ZNF536: variants seen among roughly 807,000 people sequenced by gnomAD.
ZNF536 encodes the protein zinc finger protein 536.
Under a neutral mutation model 84.5 loss-of-function variants are expected in ZNF536, and 13 were observed. The ratio of observed to expected loss-of-function variants is 0.15; its 90% CI spans 0.10 to 0.24. ZNF536 has a LOEUF of 0.24. Ranked by LOEUF, ZNF536 falls within the 10% of genes least tolerant of loss-of-function variation. The pLI, the probability that ZNF536 is intolerant of heterozygous loss-of-function variation, is 1.00. For missense variants in ZNF536, 1,536 were observed against 1,747.5 expected, an observed-to-expected ratio of 0.88 and a Z score of 2.16; for synonymous variants, 811 against 742.5, an observed-to-expected ratio of 1.09 and a Z score of -1.50.
At chr19:30,419,583 C>T (rs958186306) in intron 1 of ZNF536, among the ~76,000 whole-genome samples, 1 of 152,090 alleles carries the variant, frequency 6.6e-6, no homozygotes, top group African/African-American at 2.4e-5. Context: ...ATTTTACAAA[C>T]GATAAATGTT....
At chr19:30,614,684 C>T (rs982800854) in intron 1 of ZNF536, among the ~76,000 whole-genome samples, 1 of 151,454 alleles carries the variant, frequency 6.6e-6, no homozygotes, top group Non-Finnish European at 1.5e-5. Context: ...CATTTTTTTC[C>T]TATTGAATGA....
At chr19:30,689,404 G>A (rs2051321154) in intron 1 of ZNF536, among the ~76,000 whole-genome samples, 1 of 152,240 alleles carries the variant, frequency 6.6e-6, no homozygotes, top group East Asian at 1.9e-4. Flanking sequence ...TGTATAGGCA[G>A]CATACCCTGT....
At chr19:30,679,135 T>G (rs1744436935) in intron 1 of ZNF536, among the ~76,000 whole-genome samples, 1 of 152,138 alleles carries the variant, frequency 6.6e-6, no homozygotes, top group African/African-American at 2.4e-5. Context: ...CCTTAAATTC[T>G]GAGGCCACAC....
At chr19:30,596,362 T>C (rs896744472) in intron 1 of ZNF536, among the ~76,000 whole-genome samples, 1 of 152,216 alleles carries the variant, frequency 6.6e-6, no homozygotes. Flanking sequence ...AAAAGATGTA[T>C]GTATCGTGGC....
intron 1 of ZNF536, among the ~76,000 whole-genome samples, chr19:30,240,047 C>T (rs2023824949): frequency 6.6e-6 from 1 of 152,106 alleles, no homozygotes; most frequent in South Asian, 2.1e-4. Flanking sequence ...AAACCAGATG[C>T]AAAGGTGTCG....
intron 2 of ZNF536, among the ~76,000 whole-genome samples, chr19:30,514,735 T>A (rs547408333): frequency 6.1e-4 from 93 of 151,984 alleles, no homozygotes; most frequent in Non-Finnish European, 1.1e-3. Flanking sequence ...TGTCTTGGCC[T>A]CCACATCCAG....
intron 1 of ZNF536, among the ~76,000 whole-genome samples, chr19:30,261,193 G>A (rs1314845991): frequency 2.7e-5 from 4 of 148,270 alleles, no homozygotes; most frequent in Non-Finnish European, 6.0e-5. Flanking sequence ...AGCTACTTGG[G>A]AGGCTGAGGC....
At chr19:30,603,554 T>C (rs1349417862) in intron 1 of ZNF536, among the ~76,000 whole-genome samples, 5 of 152,342 alleles carry the variant, frequency 3.3e-5, no homozygotes, top group African/African-American at 9.6e-5. Flanking sequence ...TATTATCTTA[T>C]TGAACACTAT....
chr19:30,408,661 T>C (rs1409296498), intron 1 of ZNF536, among the ~76,000 whole-genome samples: 1 of 152,212 alleles, frequency 6.6e-6, no homozygotes, highest in East Asian at 1.9e-4. Flanking sequence ...CTGCTTTTGT[T>C]TTATTCCTTT....
At chr19:30,345,019 C>T (rs540721683) in intron 2 of ZNF536, among the ~76,000 whole-genome samples, 1 of 152,238 alleles carries the variant, frequency 6.6e-6, no homozygotes, top group Non-Finnish European at 1.5e-5. Flanking sequence ...ACAACAGCAA[C>T]AGCAACACAA....
chr19:30,449,697 G>A (rs1204657542), intron 2 of ZNF536, among the ~76,000 whole-genome samples: 1 of 152,146 alleles, frequency 6.6e-6, no homozygotes, highest in Non-Finnish European at 1.5e-5. Flanking sequence ...GGAGAGATGC[G>A]AAGATGAAAA....
At chr19:30,635,067 G>GGGGTGT (rs1555821106) in intron 1 of ZNF536, among the ~76,000 whole-genome samples, 2,500 of 150,272 alleles carry the variant, frequency 0.017, 39 homozygotes, top group Middle Eastern at 0.066. Flanking sequence ...AAGAAAGCTG[G>GGGGTGT]GTGTGTGTGT....
intron 2 of ZNF536, among the ~76,000 whole-genome samples, chr19:30,347,028 A>G (rs1320075304): frequency 6.6e-6 from 1 of 151,804 alleles, no homozygotes; most frequent in Non-Finnish European, 1.5e-5. Context: ...ACGTTTTAAT[A>G]GCCATTCTGA....
At chr19:30,500,995 A>G (rs1410865508) in intron 2 of ZNF536, among the ~76,000 whole-genome samples, 2 of 152,062 alleles carry the variant, frequency 1.3e-5, no homozygotes, top group Non-Finnish European at 2.9e-5. Flanking sequence ...ATTGTTCAGG[A>G]TTGGAGCGAG....
chr19:30,699,221 C>CT (rs34598865), intron 1 of ZNF536, among the ~76,000 whole-genome samples: 1 of 152,084 alleles, frequency 6.6e-6, no homozygotes, highest in Admixed American at 6.5e-5. Flanking sequence ...CCCTGGTTCC[C>CT]TTTTTTTGGG....
At chr19:30,689,254 T>C (rs2051314134) in intron 1 of ZNF536, among the ~76,000 whole-genome samples, 1 of 152,268 alleles carries the variant, frequency 6.6e-6, no homozygotes, top group Non-Finnish European at 1.5e-5. Context: ...TCTGGAATTA[T>C]TTGGAGCTTT....
intron 2 of ZNF536, among the ~76,000 whole-genome samples, chr19:30,467,777 G>T (rs144487542): frequency 6.6e-6 from 1 of 152,330 alleles, no homozygotes; most frequent in East Asian, 1.9e-4. Context: ...GGGTTTTGGC[G>T]TCAGGAATGG....
At chr19:30,497,188 C>A (rs188101385) in intron 2 of ZNF536, among the ~76,000 whole-genome samples, 28 of 152,114 alleles carry the variant, frequency 1.8e-4, no homozygotes, top group Non-Finnish European at 3.7e-4. Context: ...TATTTAAGGG[C>A]CCCGTGAGCG....
intron 2 of ZNF536, among the ~76,000 whole-genome samples, chr19:30,533,073 G>A (rs1430031661): frequency 1.3e-5 from 2 of 152,172 alleles, no homozygotes; most frequent in Non-Finnish European, 2.9e-5. Context: ...TCCAATGATG[G>A]TTAGAAGAGT....
Sources: gnomAD v4.1 joint callset for allele counts (sites outside exome capture counted in the v4.1 genomes callset) on GRCh38, gnomAD v4.1.1 for gene constraint, MANE v1.5 for transcripts, NCBI Gene and HGNC (gene_info 2026-07-23, HGNC 2026-07-21) for gene names.